Variants in PCDHGA11 observed in about 807,000 individuals in gnomAD.
The protein encoded by PCDHGA11 is protocadherin gamma-A11.
PCDHGA11 carries 39 observed loss-of-function variants against 60.4 expected under a neutral mutation model. The observed-to-expected ratio is 0.65, with a 90% CI of 0.50 to 0.84. The LOEUF is 0.84. Ranked by LOEUF, PCDHGA11 falls within the 40% of genes least tolerant of loss-of-function variation. The pLI, the probability that PCDHGA11 is intolerant of heterozygous loss-of-function variation, is 0.00. For synonymous variants in PCDHGA11, 533 were observed against 510.3 expected (o/e 1.04, Z -0.60); for missense variants, 1,165 against 1,197.7 (o/e 0.97, Z 0.40).
chr5:141,511,733 T>C lies in PCDHGA11; in HGVS notation c.*560T>C, dbSNP rs1032711521. 9 of 177,040 alleles carry C rather than the reference T, an allele frequency of 5.1e-5. No individual in the cohort carries two copies. The highest frequency in any genetic ancestry group is 8.7e-5 in the Non-Finnish European group (7 of 80,868). The allele number at this position is 177,040 out of a possible 1,614,324, so 11.0% of individuals were successfully genotyped here. ...TCCTTCCAGAGCCCAAGATCAATGC[T>C]CAAGTTTTGGAGGACATGATCACCA... On this transcript the variant is annotated 3_prime_UTR_variant, in exon 4 of 4. Transcript: ENST00000398587.
chr5:141,428,857 A>C (rs2097165548), intron 1 of PCDHGA11: 1 of 140,386 alleles, frequency 7.1e-6, no homozygotes, highest in Non-Finnish European at 1.5e-5. Context: ...TTTTTACGGG[A>C]GACTTTTTTT....
In PCDHGA11 at chr5:141,432,986, G is replaced by A. The variant is rs2097557714; in HGVS notation, c.2433+9326G>A. ...AGCGCCGGCGTCGCACTTTGTGGGC[G>A]TGGACGGGGTGCAGGCTTTCCTGCA... On this transcript the variant is annotated intron_variant, in intron 1 of 3. Transcript: ENST00000398587. This position sits in a 1 kb window ranked among gnomAD's most constrained non-coding sequence, Gnocchi z 6.0. 6 of 1,614,258 alleles carry A rather than the reference G, an allele frequency of 3.7e-6. No individual in the cohort carries two copies. In the Middle Eastern group the frequency reaches 4.9e-4, roughly 133 times the overall value.
At chr5:141,472,411 C>T (rs747412647) in intron 1 of PCDHGA11, among the ~76,000 whole-genome samples, 9 of 151,918 alleles carry the variant, frequency 5.9e-5, no homozygotes, top group Admixed American at 3.3e-4. Flanking sequence ...CGTGGTGGCA[C>T]GCACCTGTAT....
chr5:141,502,468 C>A (rs1007796183), intron 2 of PCDHGA11, among the ~76,000 whole-genome samples: 6 of 151,190 alleles, frequency 4.0e-5, no homozygotes, highest in Non-Finnish European at 8.8e-5. Flanking sequence ...GGAATACTTC[C>A]CGCAGCATCA....
Position 141,432,826 on chromosome 5 carries a change from CACTCTGTACCT to C in PCDHGA11, c.2433+9167_2433+9177del, listed in dbSNP as rs1251102522. 6.2e-7 allele frequency: 1 copy of C among 1,614,096 alleles called. No homozygotes were observed. Among genetic ancestry groups the C allele is most frequent in the Non-Finnish European group, 8.5e-7 (1 of 1,180,020 alleles). On this transcript the variant is annotated intron_variant, in intron 1 of 3. Coordinates refer to ENST00000398587, the MANE Select transcript of PCDHGA11 (RefSeq NM_018914.3). This position sits in a 1 kb window ranked among gnomAD's most constrained non-coding sequence, Gnocchi z 6.0. Reference sequence around the variant, plus strand: ...CAGCTAACTCTGAAACCTCAGACCTCACTCTGTACCTGGTGGTAGCGGTGGCCGCGGTCTCC... The same window carrying C: ...CAGCTAACTCTGAAACCTCAGACCTCGGTGGTAGCGGTGGCCGCGGTCTCC...
Position 141,490,271 on chromosome 5 carries a change from A to G in PCDHGA11, c.2434-4536A>G, listed in dbSNP as rs750463186. 6.8e-6 allele frequency: 11 copies of G among 1,614,246 alleles called. No homozygotes were observed. Among genetic ancestry groups the G allele is most frequent in the Non-Finnish European group, 8.5e-6 (10 of 1,180,054 alleles). On this transcript the variant is annotated intron_variant, in intron 1 of 3. Coordinates refer to ENST00000398587, the MANE Select transcript of PCDHGA11 (RefSeq NM_018914.3). The surrounding 1 kb of genome is among the most constrained non-coding windows in gnomAD (Gnocchi z 5.4). The stretch of plus-strand genomic sequence containing the variant: ...ATTCAAGTGGATGTGGGGGATGTCA[A>G]TGACAATGCCCCAGAGGTGCTATTG...
intron 3 of PCDHGA11, among the ~76,000 whole-genome samples, chr5:141,508,975 G>T (rs1360718244): frequency 2.6e-5 from 4 of 152,148 alleles, no homozygotes; most frequent in African/African-American, 7.2e-5. Context: ...AAGGGCTGGG[G>T]GTGGGGGCCA....
At chr5:141,482,089 C>CA (rs36035257) in intron 1 of PCDHGA11, among the ~76,000 whole-genome samples, 13,509 of 134,292 alleles carry the variant, frequency 0.1, 910 homozygotes, top group African/African-American at 0.2. Context: ...CACTCCATCT[C>CA]AAAAAAAAAA....
At chr5:141,492,461 G>A (rs1218833302) in intron 1 of PCDHGA11, among the ~76,000 whole-genome samples, 1 of 152,212 alleles carries the variant, frequency 6.6e-6, no homozygotes, top group East Asian at 1.9e-4. Flanking sequence ...CGCGCCTGAG[G>A]GTCCCAGATC....
At chr5:141,496,412 T>C (rs1322376676) in intron 2 of PCDHGA11, among the ~76,000 whole-genome samples, 1 of 152,180 alleles carries the variant, frequency 6.6e-6, no homozygotes, top group African/African-American at 2.4e-5. Context: ...GGTTGAGTAC[T>C]TGCTGTCCAC....
In PCDHGA11 at chr5:141,432,867, T is replaced by C; in HGVS notation, c.2433+9207T>C. ...GTAGCGGTGGCCGCGGTCTCCTGCG[T>C]CTTCCTGGCCTTCGTCATCTTGCTG... On this transcript the variant is annotated intron_variant, in intron 1 of 3. Coordinates refer to ENST00000398587, the MANE Select transcript of PCDHGA11 (RefSeq NM_018914.3). The surrounding 1 kb of genome is among the most constrained non-coding windows in gnomAD (Gnocchi z 6.0). 2 of 1,614,182 alleles carry C rather than the reference T, an allele frequency of 1.2e-6. No individual in the cohort carries two copies. The highest frequency in any genetic ancestry group is 1.7e-6 in the Non-Finnish European group (2 of 1,180,010).
rs112808093 is a variant in PCDHGA11, at chr5:141,489,579, C to A, written c.2434-5228C>A. ...CAGTGCAGGTGGTGACTGAACACCC[C>A]CTGGAGCTAATCCGTGTAGAGGTAG... On this transcript the variant is annotated intron_variant, in intron 1 of 3. Coordinates refer to ENST00000398587, the MANE Select transcript of PCDHGA11 (RefSeq NM_018914.3). This position sits in a 1 kb window ranked among gnomAD's most constrained non-coding sequence, Gnocchi z 4.5. 1.2e-6 allele frequency: 2 copies of A among 1,613,922 alleles called. No individual in the cohort carries two copies. Among genetic ancestry groups the A allele is most frequent in the African/African-American group, 2.7e-5 (2 of 74,916 alleles).
At chr5:141,452,951 G>A (rs1397204185) in intron 1 of PCDHGA11, among the ~76,000 whole-genome samples, 1 of 152,154 alleles carries the variant, frequency 6.6e-6, no homozygotes, top group Admixed American at 6.6e-5. Context: ...GCAATTGGTT[G>A]TCTTTAAACT....
Position 141,486,886 on chromosome 5 carries a change from G to A in PCDHGA11, c.2434-7921G>A. The A allele has an allele frequency of 1.9e-6, 3 of 1,614,222 alleles. No individual in the cohort carries two copies. The highest frequency in any genetic ancestry group is 2.5e-6 in the Non-Finnish European group (3 of 1,180,044). ...CAGCTGTGCTCCGTCCTCGGGCCCGGCCTGGTTCCTTATGTCCCCAAGCAC... is the reference window on the plus strand; with the variant it reads ...CAGCTGTGCTCCGTCCTCGGGCCCGACCTGGTTCCTTATGTCCCCAAGCAC... On this transcript the variant is annotated intron_variant, in intron 1 of 3. Coordinates refer to ENST00000398587, the MANE Select transcript of PCDHGA11 (RefSeq NM_018914.3). This position sits in a 1 kb window ranked among gnomAD's most constrained non-coding sequence, Gnocchi z 5.0.
intron 1 of PCDHGA11, among the ~76,000 whole-genome samples, chr5:141,437,983 A>G (rs544812394): frequency 4.6e-5 from 7 of 151,938 alleles, no homozygotes; most frequent in Admixed American, 2.6e-4. Context: ...GGATGCACCC[A>G]CCCCACCTCA....
In PCDHGA11 at chr5:141,422,964, G is replaced by A; in HGVS notation, c.1737G>A (p.Ala579=). Residue 579 remains alanine (A), a synonymous_variant, in exon 1 of 4, where the codon GCG becomes GCA. Transcript: ENST00000398587. The stretch of plus-strand genomic sequence containing the variant: ...ACGGCTCCACTGGCGTGGAGCTGGC[G>A]CCCCGCTCTGCGGAACCTGGCTACC... ...PTDGSTGVEL[A]PRSAEPGYLV... is the part of the protein sequence containing the mutation. 2 of 1,614,190 alleles carry A rather than the reference G, an allele frequency of 1.2e-6. No homozygotes were observed. The highest frequency in any genetic ancestry group is 1.7e-6 in the Non-Finnish European group (2 of 1,180,028).
chr5:141,427,103 G>A (rs1216465844), intron 1 of PCDHGA11: 3 of 457,888 alleles, frequency 6.6e-6, no homozygotes, highest in Non-Finnish European at 1.3e-5. Flanking sequence ...GTGTCAATGC[G>A]GAGATCACCT....
At position 141,421,633 on chromosome 5, in the gene PCDHGA11, G is replaced by A. The variant is rs1369645749; in HGVS notation, c.406G>A (p.Glu136Lys). The A allele has an allele frequency of 1.9e-6, 3 of 1,613,834 alleles. No homozygotes were observed. Among genetic ancestry groups the A allele is most frequent in the Non-Finnish European group, 2.5e-6 (3 of 1,179,804 alleles). ...DINDNAPSFQ[E>K]DEVEIKVSEH... ...TAATGATAACGCCCCCAGCTTCCAG[G>A]AGGACGAAGTGGAGATAAAAGTCAG... The change falls in exon 1 of 4, where the codon GAG becomes AAG. Residue 136 changes from glutamate to lysine, a missense_variant. Transcript: ENST00000398587.
In PCDHGA11 at chr5:141,423,612, T is replaced by G; in HGVS notation, c.2385T>G (p.Ala795=). ...SCEKSEPLLI[A]EDSAIILGKC... Reference sequence around the variant, plus strand: ...AGAAAAGCGAGCCACTCTTGATAGCTGAAGACTCAGCTATCATTTTAGGCA... The same window carrying G: ...AGAAAAGCGAGCCACTCTTGATAGCGGAAGACTCAGCTATCATTTTAGGCA... Residue 795 remains alanine, a synonymous_variant, in exon 1 of 4, where the codon GCT becomes GCG. Transcript: ENST00000398587. 6.2e-7 allele frequency: 1 copy of G among 1,611,004 alleles called. No homozygotes were observed. The highest frequency in any genetic ancestry group is 8.5e-7 in the Non-Finnish European group (1 of 1,178,376).
Sources: allele counts gnomAD v4.1 joint callset (sites outside exome capture counted in the v4.1 genomes callset), GRCh38; gene constraint gnomAD v4.1.1; non-coding constraint Gnocchi (gnomAD v3.1); transcripts MANE v1.5; gene names NCBI Gene and HGNC (gene_info 2026-07-23, HGNC 2026-07-21).